Variants in LDLRAD4 observed in about 807,000 individuals in gnomAD.
The protein encoded by LDLRAD4 is low density lipoprotein receptor class A domain containing 4.
LDLRAD4 carries 5 observed loss-of-function variants against 17.0 expected under a neutral mutation model. That is an observed-to-expected ratio of 0.29 (90% CI 0.15 to 0.62). LDLRAD4 has a LOEUF of 0.62. LDLRAD4 is among the 20% of genes least tolerant of loss of function. The pLI, the probability that LDLRAD4 is intolerant of heterozygous loss-of-function variation, is 0.84. For missense variants in LDLRAD4, 340 were observed against 424.7 expected, an observed-to-expected ratio of 0.80 and a Z score of 1.75; for synonymous variants, 168 against 171.8, an observed-to-expected ratio of 0.98 and a Z score of 0.17.
At position 13,548,639 on chromosome 18, in the gene LDLRAD4, G is replaced by A. The variant is rs115839264; in HGVS notation, c.182-72478G>A. 6.1e-3 allele frequency among the ~76,000 whole-genome samples: 932 copies of A among 152,366 alleles called. 3 individuals carry two copies. Among genetic ancestry groups the A allele is most frequent in the African/African-American group, 0.02 (850 of 41,594 alleles). Reference sequence around the variant, plus strand: ...GGCACTTCCAAGCCTGCTGGGGCACGGGGTGGTTTCTGGGCCTCCAAGAGT... The same window carrying A: ...GGCACTTCCAAGCCTGCTGGGGCACAGGGTGGTTTCTGGGCCTCCAAGAGT... On this transcript the variant is annotated intron_variant, in intron 3 of 5. Coordinates refer to ENST00000359446, the Ensembl canonical transcript of LDLRAD4.
chr18:13,642,717 T>A, intron 4 of LDLRAD4: 1 of 1,231,618 alleles, frequency 8.1e-7, no homozygotes, highest in Non-Finnish European at 1.0e-6. Context: ...GGCCACTGAA[T>A]GCGGTTGGAC....
Position 13,328,383 on chromosome 18 carries a change from A to G in LDLRAD4, c.-383+50195A>G, listed in dbSNP as rs556435554. 1.5e-4 allele frequency among the ~76,000 whole-genome samples: 23 copies of G among 152,296 alleles called. No homozygotes were observed. In the East Asian group the frequency reaches 4.1e-3, roughly 27 times the overall value. On this transcript the variant is annotated intron_variant, in intron 1 of 5. Transcript: ENST00000359446. ...TCATGACTCCTCCTAGAGCTCATTGAATATGCATATTTGGCAGCCCCATTC... is the reference window on the plus strand; with the variant it reads ...TCATGACTCCTCCTAGAGCTCATTGGATATGCATATTTGGCAGCCCCATTC...
chr18:13,441,402 T>C (rs2091013117), intron 3 of LDLRAD4, among the ~76,000 whole-genome samples: 1 of 152,176 alleles, frequency 6.6e-6, no homozygotes, highest in African/African-American at 2.4e-5. Context: ...CACGAACTCT[T>C]GTCTATGAAG....
chr18:13,590,838 T>C (rs2095016602), intron 3 of LDLRAD4, among the ~76,000 whole-genome samples: 1 of 152,188 alleles, frequency 6.6e-6, no homozygotes, highest in African/African-American at 2.4e-5. Context: ...CAAAAGTAAT[T>C]TGAAAGACCA....
intron 2 of LDLRAD4, among the ~76,000 whole-genome samples, chr18:13,406,827 C>T (rs2087803195): frequency 6.6e-6 from 1 of 152,178 alleles, no homozygotes; most frequent in South Asian, 2.1e-4. Context: ...AGCCTGTCCT[C>T]CAGGGCTGCC....
intron 3 of LDLRAD4, among the ~76,000 whole-genome samples, chr18:13,587,319 G>C (rs1030116659): frequency 6.6e-6 from 1 of 152,194 alleles, no homozygotes; most frequent in Non-Finnish European, 1.5e-5. Flanking sequence ...ATGTTAGACA[G>C]TCTCACTCTC....
chr18:13,285,442 T>A (rs2146323990), intron 1 of LDLRAD4, among the ~76,000 whole-genome samples: 1 of 152,312 alleles, frequency 6.6e-6, no homozygotes, highest in East Asian at 1.9e-4. Context: ...CTGTTGTCAA[T>A]TGTGTAACTT....
chr18:13,553,224 A>T (rs1017493571), intron 3 of LDLRAD4, among the ~76,000 whole-genome samples: 1 of 152,202 alleles, frequency 6.6e-6, no homozygotes, highest in Non-Finnish European at 1.5e-5. Context: ...TTTGTCTACA[A>T]ATAAAGGTCT....
At chr18:13,263,983 GA>G (rs148090492) in intron 1 of LDLRAD4, among the ~76,000 whole-genome samples, 40 of 148,744 alleles carry the variant, frequency 2.7e-4, no homozygotes, top group East Asian at 1.4e-3. Context: ...TTTAATTAAA[GA>G]AAAAAAAAAG....
At chr18:13,574,773 G>C (rs1010646432) in intron 3 of LDLRAD4, among the ~76,000 whole-genome samples, 7 of 152,234 alleles carry the variant, frequency 4.6e-5, no homozygotes, top group Admixed American at 1.3e-4. Context: ...TGGAAACAAA[G>C]AGCTTCCTGC....
At chr18:13,448,797 A>G (rs947052158) in intron 3 of LDLRAD4, among the ~76,000 whole-genome samples, 1 of 152,178 alleles carries the variant, frequency 6.6e-6, no homozygotes, top group Admixed American at 6.5e-5. Context: ...TGAAACTTGG[A>G]AGGGACCATC....
At chr18:13,422,265 A>C (rs2089538464) in intron 2 of LDLRAD4, among the ~76,000 whole-genome samples, 1 of 152,206 alleles carries the variant, frequency 6.6e-6, no homozygotes, top group South Asian at 2.1e-4. Context: ...CAGAGAGAAG[A>C]CTAGAAGACT....
chr18:13,435,326 A>G (rs2090580582), intron 2 of LDLRAD4, among the ~76,000 whole-genome samples: 1 of 152,272 alleles, frequency 6.6e-6, no homozygotes, highest in African/African-American at 2.4e-5. Context: ...CAAGAAGCCA[A>G]TAAATTAAAA....
intron 1 of LDLRAD4, among the ~76,000 whole-genome samples, chr18:13,381,066 T>G (rs1319358882): frequency 7.0e-6 from 1 of 142,542 alleles, no homozygotes; most frequent in African/African-American, 2.6e-5. Flanking sequence ...CTTTCTTTTG[T>G]TTCTCTTTAG....
chr18:13,217,934 C>T (rs1210065173), upstream of LDLRAD4: 1 of 150,220 alleles, frequency 6.7e-6, no homozygotes, highest in Non-Finnish European at 1.5e-5. The surrounding 1 kb of genome is among the most constrained non-coding windows in gnomAD (Gnocchi z 4.9). Context: ...GGGGTGAGGT[C>T]CTCAGCTCTT....
At chr18:13,272,296 G>A (rs12607182) in intron 1 of LDLRAD4, among the ~76,000 whole-genome samples, 21,671 of 152,164 alleles carry the variant, frequency 0.14, 1,889 homozygotes, top group Admixed American at 0.27. Flanking sequence ...GTTGTCGTGG[G>A]ACTCAGGTCT....
intron 1 of LDLRAD4, among the ~76,000 whole-genome samples, chr18:13,348,644 TG>T (rs1272668211): frequency 6.6e-6 from 1 of 152,186 alleles, no homozygotes; most frequent in Non-Finnish European, 1.5e-5. Context: ...TGCTGCCTTT[TG>T]TTGGGCTATG....
chr18:13,562,288 C>T (rs1266822550), intron 3 of LDLRAD4, among the ~76,000 whole-genome samples: 1 of 152,202 alleles, frequency 6.6e-6, no homozygotes, highest in Non-Finnish European at 1.5e-5. Context: ...ATCCTTGATC[C>T]CGGTGACCCA....
chr18:13,502,427 A>C (rs1053589522), intron 3 of LDLRAD4, among the ~76,000 whole-genome samples: 2 of 152,248 alleles, frequency 1.3e-5, no homozygotes, highest in African/African-American at 2.4e-5. Context: ...AATACCAAAT[A>C]TTGGTATGCA....
Sources: gnomAD v4.1 joint callset for allele counts (sites outside exome capture counted in the v4.1 genomes callset) on GRCh38, gnomAD v4.1.1 for gene constraint, Gnocchi (gnomAD v3.1) non-coding constraint, MANE v1.5 for transcripts, NCBI Gene and HGNC (gene_info 2026-07-23, HGNC 2026-07-21) for gene names.